TACC3: variants seen among roughly 807,000 people sequenced by gnomAD.
TACC3 encodes transforming acidic coiled-coil containing protein 3, also known as transforming acidic coiled-coil-containing protein 3.
TACC3 carries 52 observed loss-of-function variants against 86.0 expected under a neutral mutation model. The ratio of observed to expected loss-of-function variants is 0.60; its 90% CI spans 0.48 to 0.76. TACC3 has a LOEUF of 0.76. TACC3 is among the 30% of genes least tolerant of loss of function. The pLI is 0.00. For missense variants in TACC3, 1,120 were observed against 1,070.4 expected, an observed-to-expected ratio of 1.05 and a Z score of -0.65; for synonymous variants, 512 against 430.0, an observed-to-expected ratio of 1.19 and a Z score of -2.36.
intron 10 of TACC3, 43 bp from the exon 11 acceptor site, chr4:1,739,659 A>G (rs901432597): frequency 6.5e-7 from 1 of 1,544,252 alleles, no homozygotes; most frequent in Middle Eastern, 2.0e-4. Flanking sequence ...TGGGAGGGTC[A>G]GTCTGGCCCG....
In TACC3 at chr4:1,728,652, C is replaced by G; in HGVS notation, c.1250C>G (p.Pro417Arg). 6.2e-7 allele frequency: 1 copy of G among 1,613,868 alleles called. No homozygotes were observed. Among genetic ancestry groups the G allele is most frequent in the South Asian group, 1.1e-5 (1 of 91,078 alleles). ...AAAATGGATGACCCAAACTTCATCC[C>G]GTTCGGAGGTGACACCAAGTCTGGT... is the stretch of plus-strand genomic sequence containing the variant. ...WDKMDDPNFI[P>R]FGGDTKSGCS... The change falls in exon 4 of 16, where the codon CCG (proline) becomes CGG (arginine). Residue 417 changes from proline to arginine, a missense_variant. Physicochemically the swap from Pro to Arg is moderately radical, Grantham distance 103. Transcript: ENST00000313288.
chr4:1,728,148 C>T lies in TACC3; in HGVS notation c.746C>T (p.Thr249Ile), dbSNP rs200427394. 6.8e-6 allele frequency: 11 copies of T among 1,611,650 alleles called. No individual in the cohort carries two copies. The East Asian group carries it at 2.0e-4, about 29-fold the overall frequency. ...GTCTGTGCTCCCGCAGCAGTGGCCA[C>T]TTCGCCTCCTGGTGCAATCCCTAAG... is the stretch of plus-strand genomic sequence containing the variant. ...GGVCAPAAVATSPPGAIPKEA... is the reference protein window; with the variant it reads ...GGVCAPAAVAISPPGAIPKEA... The change falls in exon 4 of 16, where the codon ACT becomes ATT. Residue 249 changes from threonine to isoleucine, a missense_variant. By Grantham distance (89) the Thr-to-Ile change is moderately conservative (BLOSUM62 -1). Transcript: ENST00000313288.
intron 11 of TACC3, 54 bp from the exon 12 acceptor site, chr4:1,739,905 C>T: frequency 2.2e-5 from 36 of 1,610,274 alleles, no homozygotes; most frequent in Non-Finnish European, 3.1e-5. Context: ...CCCACCTGGC[C>T]TGGGACCGCT....
chr4:1,724,379 C>CTTTTT (rs35896374), intron 3 of TACC3, among the ~76,000 whole-genome samples: 2 of 108,358 alleles, frequency 1.8e-5, no homozygotes, highest in Non-Finnish European at 3.7e-5. Flanking sequence ...TCATACTTCA[C>CTTTTT]TTTTTTTTTT....
rs778850591 is a variant in TACC3 at position 1,728,132 on chromosome 4, C to T, written c.730C>T (p.Pro244Ser). ...EECRHGGVCA[P>S]AAVATSPPGA... ...ATGCCGGCACGGTGGGGTCTGTGCTCCCGCAGCAGTGGCCACTTCGCCTCC... is the reference window on the plus strand; with the variant it reads ...ATGCCGGCACGGTGGGGTCTGTGCTTCCGCAGCAGTGGCCACTTCGCCTCC... Residue 244 changes from proline to serine, a missense_variant, in exon 4 of 16, where the codon CCC (proline) becomes TCC (serine). Coordinates refer to ENST00000313288, the MANE Select transcript of TACC3 (RefSeq NM_006342.3). 6 of 1,611,696 alleles carry T rather than the reference C, an allele frequency of 3.7e-6. No homozygotes were observed. Among genetic ancestry groups the T allele is most frequent in the African/African-American group, 1.3e-5 (1 of 74,894 alleles).
In TACC3 at chr4:1,739,713, A is replaced by C. The variant is rs916683468; in HGVS notation, c.1953A>C (p.Thr651=). The change falls in exon 11 of 16, where the codon ACA becomes ACC. Residue 651 remains threonine (T), a synonymous_variant. Transcript: ENST00000313288. ...QKDLDAVVKA[T]QEENRELRSR... is the part of the protein sequence containing the mutation. The stretch of plus-strand genomic sequence containing the variant: ...TGTGGCCTGAGCAGGTAAAGGCGAC[A>C]CAGGAGGAGAACCGGGAGCTGAGGA... The C allele has an allele frequency of 3.8e-6, 6 of 1,582,548 alleles. No homozygotes were observed. Among genetic ancestry groups the C allele is most frequent in the Non-Finnish European group, 5.1e-6 (6 of 1,165,548 alleles).
In TACC3 at chr4:1,744,542, G is replaced by C. The variant is rs200135527; in HGVS notation, c.2248G>C (p.Val750Leu). The C allele has an allele frequency of 7.4e-5, 119 of 1,613,054 alleles. No individual in the cohort carries two copies. Among genetic ancestry groups the C allele is most frequent in the Non-Finnish European group, 9.7e-5 (115 of 1,179,958 alleles). ...GAACGAAGAGTCACTGAAGAAGTGC[G>C]TGGAGGATTACCTGGCAAGGATCAC... ...RKNEESLKKC[V>L]EDYLARITQE... The change falls in exon 14 of 16, where the codon GTG (valine) becomes CTG (leucine). Residue 750 changes from valine (V) to leucine (L), a missense_variant. Physicochemically the swap from Val to Leu is conservative, Grantham distance 32. Coordinates refer to ENST00000313288, the MANE Select transcript of TACC3 (RefSeq NM_006342.3).
At chr4:1,736,917 GAAA>G (rs768660480) in intron 8 of TACC3, among the ~76,000 whole-genome samples, 1 of 142,538 alleles carries the variant, frequency 7.0e-6, no homozygotes, top group African/African-American at 2.6e-5. Flanking sequence ...CTCGGAAAAA[GAAA>G]AAAAAAAAGG....
chr4:1,738,700 A>G (rs2108711918), intron 10 of TACC3, among the ~76,000 whole-genome samples: 1 of 152,326 alleles, frequency 6.6e-6, no homozygotes, highest in Non-Finnish European at 1.5e-5. Context: ...CTTATTCCTG[A>G]CACAGGTAGC....
chr4:1,730,898 C>A lies in TACC3; in HGVS notation c.1397C>A (p.Ser466Ter). The change falls in exon 5 of 16, where the codon TCA becomes TAA. Residue 466 changes from serine to a stop codon, truncating the protein, a stop_gained. Coordinates refer to ENST00000313288, the MANE Select transcript of TACC3 (RefSeq NM_006342.3). LOFTEE classifies it high-confidence loss of function. ...CTCTGTCTCCCCAGGCAGCTGCATT[C>A]AGCCTCAGCGGAGGACACGCCTGTG... Reference protein sequence around the residue: ...PGPCLSQQLHSASAEDTPVVQ... With the variant: ...PGPCLSQQLH 4.3e-6 allele frequency: 7 copies of A among 1,613,282 alleles called. No individual in the cohort carries two copies. The highest frequency in any genetic ancestry group is 5.9e-6 in the Non-Finnish European group (7 of 1,180,040).
chr4:1,740,496 C>T (rs1304984508), intron 12 of TACC3: 4 of 324,770 alleles, frequency 1.2e-5, no homozygotes, highest in Non-Finnish European at 2.3e-5. Flanking sequence ...TCCAGGACCA[C>T]CACGAAGCAC....
rs749240489 is a variant in TACC3, at chr4:1,744,668, A to G, written c.2330+44A>G. ...CCCACCCTGGAGGGAGAATCTGAGC[A>G]CCTGGGCCCCAGCTCAGCCTCTGCC... On this transcript the variant is annotated intron_variant, in intron 14 of 15. Coordinates refer to ENST00000313288, the MANE Select transcript of TACC3 (RefSeq NM_006342.3). 5.0e-5 allele frequency: 80 copies of G among 1,611,934 alleles called. 1 individual carries two copies. The South Asian group carries it at 8.2e-4, about 17-fold the overall frequency.
At chr4:1,725,017 C>T (rs1327398408) in intron 3 of TACC3, among the ~76,000 whole-genome samples, 2 of 149,758 alleles carry the variant, frequency 1.3e-5, no homozygotes, top group African/African-American at 4.9e-5. Flanking sequence ...CCACAACCTC[C>T]GCCTCCCAGG....
At chr4:1,732,989 C>T (rs959992803) in intron 6 of TACC3, among the ~76,000 whole-genome samples, 4 of 152,212 alleles carry the variant, frequency 2.6e-5, no homozygotes, top group African/African-American at 4.8e-5. Context: ...TAACTCTGCT[C>T]ACCTTTTAGC....
Position 1,728,154 on chromosome 4 carries a change from C to T in TACC3, c.752C>T (p.Pro251Leu). The part of the protein sequence containing the change: ...VCAPAAVATS[P>L]PGAIPKEACG... ...GCTCCCGCAGCAGTGGCCACTTCGC[C>T]TCCTGGTGCAATCCCTAAGGAAGCC... Residue 251 changes from proline (P) to leucine (L), a missense_variant, in exon 4 of 16, where the codon CCT (proline) becomes CTT (leucine). Physicochemically the swap from Pro to Leu is moderately conservative, Grantham distance 98. Transcript: ENST00000313288. 1 of 1,611,716 alleles carries T rather than the reference C, an allele frequency of 6.2e-7. No homozygotes were observed. Among genetic ancestry groups the T allele is most frequent in the Non-Finnish European group, 8.5e-7 (1 of 1,179,466 alleles).
upstream of TACC3, chr4:1,720,963 A>T: frequency 2.0e-6 from 1 of 512,624 alleles, no homozygotes; most frequent in Non-Finnish European, 3.0e-6. This position sits in a 1 kb window ranked among gnomAD's most constrained non-coding sequence, Gnocchi z 4.4. Flanking sequence ...GCACTCTAGG[A>T]CATGGAGTCC....
At chr4:1,737,763 C>T (rs1718358398) in intron 10 of TACC3, 61 bp downstream of exon 10, 1 of 1,462,126 alleles carries the variant, frequency 6.8e-7, no homozygotes, top group Non-Finnish European at 9.4e-7. Context: ...GCTTGGCCAA[C>T]AGTGGGCAGG....
In TACC3 at chr4:1,737,305, T is replaced by G. The variant is rs1718322737; in HGVS notation, c.1813T>G (p.Phe605Val). 1 of 1,613,992 alleles carries G rather than the reference T, an allele frequency of 6.2e-7. No individual in the cohort carries two copies. The highest frequency in any genetic ancestry group is 1.3e-5 in the African/African-American group (1 of 74,934). ...PREAKLVEFD[F>V]LGALDIPVPG... is the part of the protein sequence containing the mutation. ...GGAAGCCAAGCTTGTGGAGTTCGAT[T>G]TCTTGGGAGCACTGGACATTCCTGT... Residue 605 changes from phenylalanine (F) to valine (V), a missense_variant, in exon 9 of 16, where the codon TTC becomes GTC. Transcript: ENST00000313288.
In TACC3 at chr4:1,727,780, C is replaced by T. The variant is rs1426281445; in HGVS notation, c.378C>T (p.Thr126=). 8 of 1,612,328 alleles carry T rather than the reference C, an allele frequency of 5.0e-6. 1 individual carries two copies. Among genetic ancestry groups the T allele is most frequent in the South Asian group, 3.3e-5 (3 of 91,064 alleles). ...TACAGAAACCAGTGGAGGCTGACACCGACCTCCTGGGGGATGCAAGCCCAG... is the reference window on the plus strand; with the variant it reads ...TACAGAAACCAGTGGAGGCTGACACTGACCTCCTGGGGGATGCAAGCCCAG... The part of the protein sequence containing the change: ...GILQKPVEAD[T]DLLGDASPAF... The change falls in exon 4 of 16, where the codon ACC becomes ACT. Residue 126 remains threonine (T), a synonymous_variant. Coordinates refer to ENST00000313288, the MANE Select transcript of TACC3 (RefSeq NM_006342.3).
Sources: allele counts gnomAD v4.1 joint callset (sites outside exome capture counted in the v4.1 genomes callset), GRCh38; gene constraint gnomAD v4.1.1; non-coding constraint Gnocchi (gnomAD v3.1); transcripts MANE v1.5; gene names NCBI Gene and HGNC (gene_info 2026-07-23, HGNC 2026-07-21).